RPS6KA2: variants seen among roughly 807,000 people sequenced by gnomAD.
The protein encoded by RPS6KA2 is ribosomal protein S6 kinase A2.
Under a neutral mutation model 91.8 loss-of-function variants are expected in RPS6KA2, and 42 were observed. That is an observed-to-expected ratio of 0.46 (90% confidence interval 0.36 to 0.59). The LOEUF is 0.59. Among genes scored for constraint, RPS6KA2 ranks in the 20% least tolerant of loss-of-function variants. The pLI is 0.00. For missense variants in RPS6KA2, 798 were observed against 978.5 expected (o/e 0.82, Z 2.46); for synonymous variants, 414 against 393.6 (o/e 1.05, Z -0.61).
chr6:166,501,149 T>C (rs1782013901), intron 6 of RPS6KA2, among the ~76,000 whole-genome samples: 2 of 152,112 alleles, frequency 1.3e-5, no homozygotes, highest in African/African-American at 4.8e-5. Flanking sequence ...CCACACCTCC[T>C]GGATAAAGGG....
chr6:166,750,254 G>A (rs1210168109), intron 2 of RPS6KA2, among the ~76,000 whole-genome samples: 1 of 152,134 alleles, frequency 6.6e-6, no homozygotes, highest in African/African-American at 2.4e-5. Flanking sequence ...CTCCCCTCCT[G>A]TGTCCTCAGC....
At chr6:166,478,676 C>T (rs976445820) in intron 10 of RPS6KA2, among the ~76,000 whole-genome samples, 1 of 152,240 alleles carries the variant, frequency 6.6e-6, no homozygotes. Context: ...TTCTGTCCCA[C>T]AGCCAAGTGG....
chr6:166,777,096 C>T (rs188933594), intron 2 of RPS6KA2, among the ~76,000 whole-genome samples: 12 of 152,130 alleles, frequency 7.9e-5, no homozygotes, highest in East Asian at 1.9e-4. Context: ...GAGGATGGGG[C>T]GGCTGTGAGG....
At chr6:166,465,754 G>A (rs1780495988) in intron 11 of RPS6KA2, among the ~76,000 whole-genome samples, 1 of 152,156 alleles carries the variant, frequency 6.6e-6, no homozygotes, top group African/African-American at 2.4e-5. Flanking sequence ...GTGGATGATG[G>A]CGTTATGGGA....
chr6:166,838,632 C>T (rs1297956228), intron 2 of RPS6KA2, among the ~76,000 whole-genome samples: 1 of 152,082 alleles, frequency 6.6e-6, no homozygotes. Flanking sequence ...TTATCATGTC[C>T]CTACGTGTCA....
Position 166,498,611 on chromosome 6 carries a change from C to G in RPS6KA2, c.644G>C (p.Arg215Thr), listed in dbSNP as rs1284967726. ...LSKEAIDHDK[R>T]AYSFCGTIEY... ...GATCGTCCCGCAGAAGGAGTACGCT[C>G]TCTTGTCGTGGTCAATGGCCTCCTT... Residue 215 changes from arginine to threonine, a missense_variant, in exon 8 of 21, where the codon AGA (arginine) becomes ACA (threonine). Coordinates refer to ENST00000265678, the MANE Select transcript of RPS6KA2 (RefSeq NM_021135.6). 4 of 1,614,024 alleles carry G rather than the reference C, an allele frequency of 2.5e-6. No individual in the cohort carries two copies. Among genetic ancestry groups the G allele is most frequent in the Non-Finnish European group, 2.5e-6 (3 of 1,180,008 alleles).
chr6:166,702,469 A>T, intron 2 of RPS6KA2: 1 of 1,584,478 alleles, frequency 6.3e-7, no homozygotes, highest in Non-Finnish European at 8.7e-7. Flanking sequence ...GGAATAGGTT[A>T]CATTTACAAC....
intron 2 of RPS6KA2, among the ~76,000 whole-genome samples, chr6:166,762,933 G>A (rs2128603894): frequency 6.6e-6 from 1 of 152,356 alleles, no homozygotes; most frequent in East Asian, 1.9e-4. Flanking sequence ...ACAGCTGCAA[G>A]CATGAATAAA....
chr6:166,639,609 C>T lies in RPS6KA2; in HGVS notation c.124-100825G>A, dbSNP rs1033961139. 2.0e-5 allele frequency among the ~76,000 whole-genome samples: 3 copies of T among 152,112 alleles called. No homozygotes were observed. The highest frequency in any genetic ancestry group is 7.2e-5 in the African/African-American group (3 of 41,396). ...ATGTTGCGTTTGCCTCTCCTCCTTCCTCCAGGGTGCAGTCTCTGCTCCTGC... is the reference window on the plus strand; with the variant it reads ...ATGTTGCGTTTGCCTCTCCTCCTTCTTCCAGGGTGCAGTCTCTGCTCCTGC... On this transcript the variant is annotated intron_variant, in intron 2 of 21. Transcript: ENST00000503859. The surrounding 1 kb of genome is among the most constrained non-coding windows in gnomAD (Gnocchi z 4.2).
intron 2 of RPS6KA2, among the ~76,000 whole-genome samples, chr6:166,697,131 A>C (rs989798487): frequency 2.0e-5 from 3 of 152,152 alleles, no homozygotes; most frequent in Non-Finnish European, 2.9e-5. Flanking sequence ...ATAGATATAG[A>C]TACATATCCT....
intron 11 of RPS6KA2, among the ~76,000 whole-genome samples, chr6:166,468,243 A>G (rs1780614548): frequency 1.3e-5 from 2 of 152,228 alleles, no homozygotes; most frequent in Non-Finnish European, 2.9e-5. Flanking sequence ...AGAGACTCCA[A>G]AGGGAGGCCT....
At chr6:166,862,412 T>G in exon 1 of RPS6KA2, 1 of 1,351,952 alleles carries the variant, frequency 7.4e-7, no homozygotes. Context: ...CGCCGTCCCC[T>G]CCCTGCCAAG....
chr6:166,561,214 C>T (rs180854981), intron 1 of RPS6KA2, among the ~76,000 whole-genome samples: 4 of 152,268 alleles, frequency 2.6e-5, no homozygotes, highest in South Asian at 4.1e-4. Context: ...GGAAGGCCAG[C>T]GGGCAGGAGC....
chr6:166,540,081 AT>A (rs1268748021), intron 1 of RPS6KA2, among the ~76,000 whole-genome samples: 1 of 152,204 alleles, frequency 6.6e-6, no homozygotes, highest in Non-Finnish European at 1.5e-5. Context: ...TGAGACTCAG[AT>A]TACACATTAA....
At chr6:166,693,881 G>A (rs1295201414) in intron 2 of RPS6KA2, among the ~76,000 whole-genome samples, 4 of 152,212 alleles carry the variant, frequency 2.6e-5, no homozygotes, top group Non-Finnish European at 5.9e-5. Context: ...GGTTACTCCT[G>A]TGGTTTGCTG....
rs1582993833 is a variant in RPS6KA2 at position 166,658,787 on chromosome 6, C to T, written c.124-120003G>A. Among the ~76,000 whole-genome samples the T allele has an allele frequency of 3.9e-5, 6 of 152,230 alleles. No individual in the cohort carries two copies. The South Asian group carries it at 1.2e-3, about 32-fold the overall frequency. On this transcript the variant is annotated intron_variant, in intron 2 of 21. Transcript: ENST00000503859. The stretch of plus-strand genomic sequence containing the variant: ...GGAAACTTGTTGAACTATTTAAGTC[C>T]GAGAAACTTAAGGCCCTAAACCCTC...
intron 2 of RPS6KA2, among the ~76,000 whole-genome samples, chr6:166,763,797 T>C (rs1778233655): frequency 6.6e-6 from 1 of 152,162 alleles, no homozygotes; most frequent in Non-Finnish European, 1.5e-5. Context: ...GGCCCCATGA[T>C]AATAACCAAC....
At chr6:166,837,895 T>A (rs1241274634) in intron 2 of RPS6KA2, among the ~76,000 whole-genome samples, 1 of 152,284 alleles carries the variant, frequency 6.6e-6, no homozygotes, top group Non-Finnish European at 1.5e-5. Context: ...TCTATCCAAA[T>A]ATCTTCTACG....
intron 2 of RPS6KA2, among the ~76,000 whole-genome samples, chr6:166,720,835 G>A (rs1790150773): frequency 6.6e-6 from 1 of 152,158 alleles, no homozygotes; most frequent in East Asian, 1.9e-4. Flanking sequence ...AGAGCAGCAA[G>A]GCCGTACCTG....
Sources: gnomAD v4.1 joint callset for allele counts (sites outside exome capture counted in the v4.1 genomes callset) on GRCh38, gnomAD v4.1.1 for gene constraint, Gnocchi (gnomAD v3.1) non-coding constraint, MANE v1.5 for transcripts, NCBI Gene and HGNC (gene_info 2026-07-23, HGNC 2026-07-21) for gene names.